The following LRFN5 variants were observed in gnomAD, a reference collection of about 807,000 sequenced individuals.
LRFN5 encodes leucine-rich repeat and fibronectin type-III domain-containing protein 5.
Under a neutral mutation model 45.6 loss-of-function variants are expected in LRFN5, and 24 were observed. That is an observed-to-expected ratio of 0.53 (90% CI 0.38 to 0.74). The LOEUF (loss-of-function observed/expected upper bound fraction) is 0.74, where lower values mean the gene tolerates loss of function less well. LRFN5 is among the 30% of genes least tolerant of loss of function. LRFN5 has a pLI of 0.00. For missense variants in LRFN5, 776 were observed against 861.5 expected, an observed-to-expected ratio of 0.90 and a Z score of 1.24; for synonymous variants, 340 against 313.8, an observed-to-expected ratio of 1.08 and a Z score of -0.88.
intron 1 of LRFN5, among the ~76,000 whole-genome samples, chr14:41,720,917 T>A (rs2138769227): frequency 6.6e-6 from 1 of 152,170 alleles, no homozygotes; most frequent in East Asian, 1.9e-4. Flanking sequence ...AGTGTTGTAT[T>A]CAAGTCCAGA....
In LRFN5 at chr14:41,711,249, A is replaced by G. The variant is rs536081750; in HGVS notation, c.-196-55605A>G. 3.5e-4 allele frequency among the ~76,000 whole-genome samples: 53 copies of G among 152,292 alleles called. No individual in the cohort carries two copies. In the Middle Eastern group the frequency reaches 0.01, roughly 29 times the overall value. On this transcript the variant is annotated intron_variant, in intron 1 of 5. Coordinates refer to ENST00000298119, the MANE Select transcript of LRFN5 (RefSeq NM_152447.5). ...ATTTTCAGGAATCGAATGAGTATTGACTAAGGCATAAAAGGCAAGTGAAAA... is the reference window on the plus strand; with the variant it reads ...ATTTTCAGGAATCGAATGAGTATTGGCTAAGGCATAAAAGGCAAGTGAAAA...
chr14:41,886,657 T>C lies in LRFN5; in HGVS notation c.32T>C (p.Ile11Thr), dbSNP rs1890582984. The change falls in exon 3 of 6, where the codon ATT (isoleucine) becomes ACT (threonine). Residue 11 changes from isoleucine (I) to threonine (T), a missense_variant. Ile to Thr is a moderately conservative substitution (Grantham distance 89, BLOSUM62 -1). Coordinates refer to ENST00000298119, the MANE Select transcript of LRFN5 (RefSeq NM_152447.5). MEKILFYLFL[I>T]GIAVKAQICP... ...AAAATTCTTTTTTATCTGTTTCTCA[T>C]TGGCATAGCAGTGAAAGCTCAGATC... 6.3e-7 allele frequency: 1 copy of C among 1,591,784 alleles called. No individual in the cohort carries two copies. The highest frequency in any genetic ancestry group is 1.9e-5 in the Admixed American group (1 of 53,458).
intron 2 of LRFN5, among the ~76,000 whole-genome samples, chr14:41,851,985 A>G (rs1889283166): frequency 1.5e-5 from 1 of 68,102 alleles, no homozygotes; most frequent in African/African-American, 3.7e-5. Context: ...AGTAATGCAG[A>G]AAAAAAAAGA....
intron 2 of LRFN5, among the ~76,000 whole-genome samples, chr14:41,852,923 A>G (rs553848795): frequency 9.5e-4 from 145 of 152,052 alleles, no homozygotes; most frequent in Non-Finnish European, 1.9e-3. Context: ...TTTTCTTTAT[A>G]ACTAAAATAA....
chr14:41,719,935 G>A (rs1175076962), intron 1 of LRFN5, among the ~76,000 whole-genome samples: 3 of 151,902 alleles, frequency 2.0e-5, no homozygotes, highest in East Asian at 1.9e-4. Flanking sequence ...ATATAGAGAG[G>A]TATAGATATT....
intron 2 of LRFN5, among the ~76,000 whole-genome samples, chr14:41,844,339 A>G (rs1888979684): frequency 6.6e-6 from 1 of 151,660 alleles, no homozygotes; most frequent in African/African-American, 2.4e-5. Context: ...CGGGAGGCTG[A>G]GGCAGGAGAA....
intron 1 of LRFN5, among the ~76,000 whole-genome samples, chr14:41,750,267 T>TTATATATATATA (rs60275061): frequency 4.8e-5 from 7 of 144,386 alleles, no homozygotes; most frequent in African/African-American, 7.5e-5. Context: ...GTAACTTTTC[T>TTATATATATATA]TATATATATA....
chr14:41,648,285 T>G (rs929058885), intron 1 of LRFN5, among the ~76,000 whole-genome samples: 1 of 152,120 alleles, frequency 6.6e-6, no homozygotes, highest in African/African-American at 2.4e-5. Context: ...AAGAGGTGTA[T>G]TTAATATTAT....
chr14:41,890,429 C>T (rs1297861933), intron 3 of LRFN5, among the ~76,000 whole-genome samples: 1 of 152,030 alleles, frequency 6.6e-6, no homozygotes, highest in African/African-American at 2.4e-5. Context: ...TTAATCAGGC[C>T]GGGCGCGGTG....
At chr14:41,674,853 G>GCCAGGCAGAGGCTGCAATCTCGGCAC in intron 1 of LRFN5, among the ~76,000 whole-genome samples, 2 of 151,192 alleles carry the variant, frequency 1.3e-5, no homozygotes, top group African/African-American at 4.9e-5. Context: ...AGACGGGGCG[G>GCCAGGCAGAGGCTGCAATCTCGGCAC]TTGCCGGGCG....
At chr14:41,790,314 G>C (rs1006543323) in intron 2 of LRFN5, among the ~76,000 whole-genome samples, 2 of 151,606 alleles carry the variant, frequency 1.3e-5, no homozygotes, top group Non-Finnish European at 1.5e-5. Flanking sequence ...ATTCCTATTT[G>C]AGTCTTATTT....
chr14:41,863,033 T>G lies in LRFN5; in HGVS notation c.-20-23573T>G, dbSNP rs1182489782. Among the ~76,000 whole-genome samples, 39 of 151,688 alleles carry G rather than the reference T, an allele frequency of 2.6e-4. 1 individual carries two copies. Among genetic ancestry groups the G allele is most frequent in the Admixed American group, 2.6e-3 (39 of 15,230 alleles). ...GCGCCCGCCATGATGCCCGGCTAAT[T>G]TTTTGTATTTTTTAGTGAGACGGAG... On this transcript the variant is annotated intron_variant, in intron 2 of 5. Coordinates refer to ENST00000298119, the MANE Select transcript of LRFN5 (RefSeq NM_152447.5).
At chr14:41,714,788 C>G (rs1883422637) in intron 1 of LRFN5, among the ~76,000 whole-genome samples, 1 of 151,932 alleles carries the variant, frequency 6.6e-6, no homozygotes, top group Non-Finnish European at 1.5e-5. Context: ...ACCTATAGTC[C>G]CAGCTACTCA....
rs751849196 is a variant in LRFN5, at chr14:41,891,566, A to G, written c.1702A>G (p.Asn568Asp). The change falls in exon 4 of 6, where the codon AAT becomes GAT. Residue 568 changes from asparagine (N) to aspartate (D), a missense_variant. By Grantham distance (23) the Asn-to-Asp change is conservative. Around this residue, in one of 2 missense-constraint regions of LRFN5, gnomAD observed 465 missense variants for 456.4 expected, o/e 1.02. Coordinates refer to ENST00000298119, the MANE Select transcript of LRFN5 (RefSeq NM_152447.5). Reference sequence around the variant, plus strand: ...GCAACACAAGGTCACCAAGGTTAGCAATGTTTATTCCCAAACTAACGGGGC... The same window carrying G: ...GCAACACAAGGTCACCAAGGTTAGCGATGTTTATTCCCAAACTAACGGGGC... The part of the protein sequence containing the change: ...NGQHKVTKVS[N>D]VYSQTNGAQI... 3.7e-6 allele frequency: 6 copies of G among 1,614,210 alleles called. No homozygotes were observed. In the Admixed American group the frequency reaches 1.0e-4, roughly 27 times the overall value.
rs1263015568 is a variant in LRFN5, at chr14:41,887,713, C to T, written c.1088C>T (p.Ala363Val). 6.2e-7 allele frequency: 1 copy of T among 1,614,062 alleles called. No individual in the cohort carries two copies. Among genetic ancestry groups the T allele is most frequent in the East Asian group, 2.2e-5 (1 of 44,868 alleles). ...GAFTCIASNP[A>V]GEATQIVDLH... ...TTTACCTGCATTGCTTCCAATCCTG[C>T]TGGGGAAGCAACACAAATAGTGGAT... Residue 363 changes from alanine to valine, a missense_variant, in exon 3 of 6, where the codon GCT becomes GTT. Coordinates refer to ENST00000298119, the MANE Select transcript of LRFN5 (RefSeq NM_152447.5). The surrounding 1 kb of genome is among the most constrained non-coding windows in gnomAD (Gnocchi z 4.8).
intron 1 of LRFN5, among the ~76,000 whole-genome samples, chr14:41,659,507 A>C (rs1880535276): frequency 6.6e-6 from 1 of 152,154 alleles, no homozygotes; most frequent in Admixed American, 6.6e-5. Context: ...TGCCACAATA[A>C]ACATATGGGT....
intron 1 of LRFN5, among the ~76,000 whole-genome samples, chr14:41,761,897 A>AT (rs1430800489): frequency 6.6e-6 from 1 of 152,004 alleles, no homozygotes; most frequent in African/African-American, 2.4e-5. Context: ...TCTTTTGTTT[A>AT]TTTTTTGTAG....
At chr14:41,896,715 C>G (rs901210270) in intron 4 of LRFN5, among the ~76,000 whole-genome samples, 1 of 151,996 alleles carries the variant, frequency 6.6e-6, no homozygotes, top group Non-Finnish European at 1.5e-5. Flanking sequence ...TTAGTTTGTT[C>G]ACATCTTTAT....
intron 1 of LRFN5, among the ~76,000 whole-genome samples, chr14:41,755,605 T>G (rs1885340098): frequency 1.3e-5 from 2 of 152,206 alleles, no homozygotes; most frequent in African/African-American, 4.8e-5. Context: ...TTTTTTTGTT[T>G]TCCATTTGCT....
Sources: gnomAD v4.1 joint callset for allele counts (sites outside exome capture counted in the v4.1 genomes callset) on GRCh38, gnomAD v4.1.1 for gene constraint, gnomAD v4.1.1 regional missense constraint, Gnocchi (gnomAD v3.1) non-coding constraint, MANE v1.5 for transcripts, NCBI Gene and HGNC (gene_info 2026-07-23, HGNC 2026-07-21) for gene names.